The following LPCAT2 variants were observed in gnomAD, a reference collection of about 807,000 sequenced individuals.
LPCAT2 encodes the protein lysophosphatidylcholine acyltransferase 2.
In LPCAT2, 58 loss-of-function variants were observed where a neutral mutation model predicts 64.7. The observed-to-expected ratio is 0.90, with a 90% CI of 0.73 to 1.12. The LOEUF is 1.12. Among genes scored for constraint, LPCAT2 ranks in the 50% most tolerant of loss-of-function variants. The pLI is 0.00. For missense variants in LPCAT2, 579 were observed against 669.8 expected (o/e 0.86, Z 1.50); for synonymous variants, 252 against 245.3 (o/e 1.03, Z -0.26).
At chr16:55,551,152 G>A in intron 11 of LPCAT2, 50 bp downstream of exon 11, 1 of 1,484,068 alleles carries the variant, frequency 6.7e-7, no homozygotes, top group Non-Finnish European at 9.1e-7. Context: ...GTCCTACAGT[G>A]AGTAAATCAA....
chr16:55,524,114 A>C (rs1963136062), intron 1 of LPCAT2, among the ~76,000 whole-genome samples: 1 of 151,826 alleles, frequency 6.6e-6, no homozygotes, highest in African/African-American at 2.4e-5. Context: ...CATTCACATA[A>C]AGGCTTGTAC....
intron 12 of LPCAT2, among the ~76,000 whole-genome samples, chr16:55,576,049 A>T (rs915530127): frequency 1.3e-5 from 2 of 152,226 alleles, no homozygotes; most frequent in African/African-American, 2.4e-5. Flanking sequence ...TGGTTTACCA[A>T]TGAAAGACCT....
chr16:55,564,118 T>A (rs1405585038), intron 11 of LPCAT2, among the ~76,000 whole-genome samples: 1 of 151,540 alleles, frequency 6.6e-6, no homozygotes, highest in Admixed American at 6.6e-5. Flanking sequence ...ATAGAAAAAA[T>A]TAAAATACTT....
At chr16:55,542,675 G>A (rs1963411542) in intron 8 of LPCAT2, among the ~76,000 whole-genome samples, 2 of 152,026 alleles carry the variant, frequency 1.3e-5, no homozygotes, top group Non-Finnish European at 2.9e-5. Context: ...AGATAGTCAG[G>A]GAGATGTTGC....
chr16:55,561,843 C>T (rs1463806820), intron 11 of LPCAT2, among the ~76,000 whole-genome samples: 7 of 151,996 alleles, frequency 4.6e-5, no homozygotes, highest in Non-Finnish European at 5.9e-5. Context: ...TTCACAGAGG[C>T]CATTTCATTG....
chr16:55,514,219 C>T (rs1011574937), intron 1 of LPCAT2, among the ~76,000 whole-genome samples: 4 of 152,080 alleles, frequency 2.6e-5, no homozygotes, highest in African/African-American at 9.7e-5. Flanking sequence ...AGGCTGTCCA[C>T]ATGAGTAAGG....
At chr16:55,562,487 C>T (rs1271447285) in intron 11 of LPCAT2, among the ~76,000 whole-genome samples, 1 of 151,902 alleles carries the variant, frequency 6.6e-6, no homozygotes, top group Non-Finnish European at 1.5e-5. Context: ...CTTACCTTAT[C>T]TAAAATACAT....
intron 11 of LPCAT2, among the ~76,000 whole-genome samples, chr16:55,560,431 A>T (rs1239347428): frequency 6.6e-6 from 1 of 152,106 alleles, no homozygotes; most frequent in Non-Finnish European, 1.5e-5. Flanking sequence ...AAAGCAACAT[A>T]CTTAATAGGT....
chr16:55,539,368 T>G (rs778752880), intron 8 of LPCAT2: 2 of 152,052 alleles, frequency 1.3e-5, no homozygotes, highest in Admixed American at 1.3e-4. Context: ...GTTCCATAAC[T>G]TCACAAATAA....
chr16:55,540,571 A>T (rs1295979308), intron 8 of LPCAT2: 1 of 151,642 alleles, frequency 6.6e-6, no homozygotes, highest in African/African-American at 2.4e-5. Flanking sequence ...TAGTTTATGA[A>T]TGGAAACAAG....
intron 8 of LPCAT2, chr16:55,541,890 CCTT>C (rs779049164): frequency 1.2e-4 from 151 of 1,287,164 alleles, no homozygotes; most frequent in Non-Finnish European, 1.5e-4. Context: ...AAAATATCTT[CCTT>C]CTTTTGCATT....
At chr16:55,534,583 T>C (rs1963299884) in intron 7 of LPCAT2, 106 bp downstream of exon 7, 4 of 538,794 alleles carry the variant, frequency 7.4e-6, no homozygotes, top group Admixed American at 7.1e-5. Context: ...AAAAATATTG[T>C]TATATTTAAA....
At chr16:55,530,520 T>C (rs1963239464) in intron 4 of LPCAT2, among the ~76,000 whole-genome samples, 1 of 151,866 alleles carries the variant, frequency 6.6e-6, no homozygotes, top group Non-Finnish European at 1.5e-5. Context: ...TACTGCAAAA[T>C]AAGCCAAGGG....
chr16:55,539,479 T>C (rs1963369933), intron 8 of LPCAT2: 1 of 152,198 alleles, frequency 6.6e-6, no homozygotes, highest in Admixed American at 6.5e-5. Context: ...ACTTCAAATT[T>C]AGTACAAATA....
Position 55,529,864 on chromosome 16 carries a change from G to T in LPCAT2, c.559G>T (p.Val187Leu). The change falls in exon 4 of 14, where the codon GTG (valine) becomes TTG (leucine). Residue 187 changes from valine (V) to leucine (L), a missense_variant. Val to Leu is a conservative substitution (Grantham distance 32). Coordinates refer to ENST00000262134, the MANE Select transcript of LPCAT2 (RefSeq NM_017839.5). ...GTTACGGGCTGTGCAACCAGTTTTG[G>T]TGTCCCGTGTAGATCCGGATTCCCG... ...RLLRAVQPVLVSRVDPDSRKN... is the reference protein window; with the variant it reads ...RLLRAVQPVLLSRVDPDSRKN... The T allele has an allele frequency of 6.2e-7, 1 of 1,611,822 alleles. No homozygotes were observed. Among genetic ancestry groups the T allele is most frequent in the African/African-American group, 1.3e-5 (1 of 74,982 alleles).
chr16:55,571,153 A>T (rs563247180), intron 11 of LPCAT2, among the ~76,000 whole-genome samples: 1 of 152,244 alleles, frequency 6.6e-6, no homozygotes, highest in Non-Finnish European at 1.5e-5. Flanking sequence ...AGTTATAAAG[A>T]GTATCTAATT....
intron 5 of LPCAT2, 62 bp downstream of exon 5, chr16:55,532,036 A>T: frequency 9.6e-7 from 1 of 1,045,964 alleles, no homozygotes; most frequent in Non-Finnish European, 1.5e-6. Flanking sequence ...AAATGATTTT[A>T]TAGAAATACA....
chr16:55,531,892 A>C, intron 4 of LPCAT2, 22 bp from the exon 5 acceptor site: 1 of 1,447,052 alleles, frequency 6.9e-7, no homozygotes, highest in Non-Finnish European at 9.7e-7. Context: ...TGAAATATTA[A>C]ATCTATTCCT....
At chr16:55,531,794 C>T in intron 4 of LPCAT2, 120 bp from the exon 5 acceptor site, 1 of 666,430 alleles carries the variant, frequency 1.5e-6, no homozygotes, top group Middle Eastern at 3.2e-4. Flanking sequence ...CAAATGTTAG[C>T]CTTTTATTTT....
Sources: allele counts gnomAD v4.1 joint callset (sites outside exome capture counted in the v4.1 genomes callset), GRCh38; gene constraint gnomAD v4.1.1; transcripts MANE v1.5; gene names NCBI Gene and HGNC (gene_info 2026-07-23, HGNC 2026-07-21).